Variants in KIAA0825 observed in about 807,000 individuals in gnomAD.
KIAA0825 encodes uncharacterized protein KIAA0825.
KIAA0825 carries 119 observed loss-of-function variants against 147.6 expected under a neutral mutation model. The observed-to-expected ratio is 0.81, with a 90% confidence interval of 0.69 to 0.94. The LOEUF (loss-of-function observed/expected upper bound fraction) is 0.94. Among genes scored for constraint, KIAA0825 ranks in the 40% least tolerant of loss-of-function variants. KIAA0825 has a pLI of 0.00. For synonymous variants in KIAA0825, 470 were observed against 518.1 expected (o/e 0.91, Z 1.26); for missense variants, 1,381 against 1,472.7 (o/e 0.94, Z 1.02).
intron 20 of KIAA0825, among the ~76,000 whole-genome samples, chr5:94,380,219 C>G (rs111897338): frequency 6.6e-6 from 1 of 152,166 alleles, no homozygotes; most frequent in African/African-American, 2.4e-5. Context: ...AATAACCTGA[C>G]TTTCACCCAA....
At chr5:94,528,784 GCTC>G (rs1769888302) in intron 3 of KIAA0825, among the ~76,000 whole-genome samples, 1 of 145,540 alleles carries the variant, frequency 6.9e-6, no homozygotes, top group East Asian at 2.1e-4. Context: ...AAGTAAATGT[GCTC>G]CTTTTTTTTT....
intron 1 of KIAA0825, among the ~76,000 whole-genome samples, chr5:94,606,138 GA>G (rs1158100512): frequency 6.6e-6 from 1 of 152,004 alleles, no homozygotes; most frequent in Non-Finnish European, 1.5e-5. Flanking sequence ...AGCCAAATCA[GA>G]AAGGCCATCC....
intron 20 of KIAA0825, among the ~76,000 whole-genome samples, chr5:94,319,100 T>A (rs1177749060): frequency 1.3e-5 from 2 of 151,916 alleles, no homozygotes; most frequent in East Asian, 3.9e-4. Context: ...AGGATAGGGA[T>A]GTCTGAAGCC....
intron 16 of KIAA0825, among the ~76,000 whole-genome samples, chr5:94,402,479 T>C (rs761973915): frequency 6.6e-6 from 1 of 152,012 alleles, no homozygotes; most frequent in Non-Finnish European, 1.5e-5. Flanking sequence ...ATGGCTTTAC[T>C]AGATTCAAAG....
At chr5:94,444,345 T>C (rs2150865223) in intron 13 of KIAA0825, among the ~76,000 whole-genome samples, 2 of 152,250 alleles carry the variant, frequency 1.3e-5, no homozygotes, top group Middle Eastern at 6.8e-3. Flanking sequence ...GGAATTACTA[T>C]GCTGGTGAGG....
chr5:94,470,328 G>A (rs1376633224), intron 9 of KIAA0825, among the ~76,000 whole-genome samples: 1 of 151,970 alleles, frequency 6.6e-6, no homozygotes, highest in Non-Finnish European at 1.5e-5. Context: ...TACATCTGCT[G>A]TTCTACAAAT....
chr5:94,425,512 G>A (rs2150754072), intron 14 of KIAA0825, among the ~76,000 whole-genome samples: 1 of 152,216 alleles, frequency 6.6e-6, no homozygotes, highest in African/African-American at 2.4e-5. Flanking sequence ...GCAAAGGTAG[G>A]AGGATCACTT....
intron 13 of KIAA0825, among the ~76,000 whole-genome samples, chr5:94,448,448 TG>T (rs1412038099): frequency 6.6e-6 from 1 of 152,092 alleles, no homozygotes. Flanking sequence ...ATGTCCTTTT[TG>T]TTTCTTTCCT....
At chr5:94,483,754 A>C (rs921695881) in intron 6 of KIAA0825, among the ~76,000 whole-genome samples, 1 of 151,842 alleles carries the variant, frequency 6.6e-6, no homozygotes, top group Admixed American at 6.6e-5. Context: ...TTTAATGTAA[A>C]ACAAAATCCA....
rs1253648472 is a variant in KIAA0825, at chr5:94,594,767, T to C, written c.-152-12184A>G. Reference sequence around the variant, plus strand: ...CTTGGATGGACTACCTGAGAGAACATGCATTTAGAGAAGTCGAATCATGAT... The same window carrying C: ...CTTGGATGGACTACCTGAGAGAACACGCATTTAGAGAAGTCGAATCATGAT... On this transcript the variant is annotated intron_variant, in intron 1 of 20. Coordinates refer to ENST00000682413, the MANE Select transcript of KIAA0825 (RefSeq NM_001145678.3). The C allele has an allele frequency of 1.2e-5, 7 of 605,766 alleles. No individual in the cohort carries two copies. The East Asian group carries it at 2.4e-4, about 20-fold the overall frequency. 37.5% of individuals were successfully genotyped at this position (605,766 alleles called of 1,614,324 possible). A position where few individuals can be genotyped will look rare whatever the true frequency, so the allele number is the denominator to read the frequency against.
At chr5:94,264,894 T>C (rs1285519258) in intron 20 of KIAA0825, among the ~76,000 whole-genome samples, 1 of 151,850 alleles carries the variant, frequency 6.6e-6, no homozygotes, top group East Asian at 1.9e-4. Context: ...GTGATTCTCA[T>C]GGCTCAGCCA....
chr5:94,600,384 C>T (rs1385428542), intron 1 of KIAA0825, among the ~76,000 whole-genome samples: 9 of 151,420 alleles, frequency 5.9e-5, no homozygotes, highest in Admixed American at 2.0e-4. Context: ...CTTATATTTC[C>T]TTATATTTAT....
chr5:94,349,452 A>G (rs937454213), intron 20 of KIAA0825, among the ~76,000 whole-genome samples: 1 of 152,194 alleles, frequency 6.6e-6, no homozygotes, highest in Non-Finnish European at 1.5e-5. Context: ...TATATACAGA[A>G]TATTTCATCC....
intron 20 of KIAA0825, among the ~76,000 whole-genome samples, chr5:94,317,561 G>T (rs1375786063): frequency 1.3e-5 from 2 of 151,802 alleles, no homozygotes; most frequent in Non-Finnish European, 2.9e-5. Context: ...ATTTACCTCA[G>T]AAAATATAAG....
At chr5:94,494,314 CT>C (rs530332272) in intron 5 of KIAA0825, among the ~76,000 whole-genome samples, 685 of 111,852 alleles carry the variant, frequency 6.1e-3, no homozygotes, top group African/African-American at 0.011. Flanking sequence ...ATATTCAATC[CT>C]TTTTTTTTTT....
rs78373531 is a variant in KIAA0825, at chr5:94,232,070, A to G, written c.3711-77946T>C. ...AATGTTTAATGATATGGCAAGTAATACAGAATAACTAAAGACAGAAGAAAA... is the reference window on the plus strand; with the variant it reads ...AATGTTTAATGATATGGCAAGTAATGCAGAATAACTAAAGACAGAAGAAAA... On this transcript the variant is annotated intron_variant, in intron 20 of 20. Coordinates refer to ENST00000682413, the MANE Select transcript of KIAA0825 (RefSeq NM_001145678.3). 4.4e-3 allele frequency among the ~76,000 whole-genome samples: 666 copies of G among 152,256 alleles called. 1 individual carries two copies. Among genetic ancestry groups the G allele is most frequent in the Non-Finnish European group, 7.0e-3 (476 of 67,950 alleles).
intron 20 of KIAA0825, among the ~76,000 whole-genome samples, chr5:94,266,956 G>A (rs1776763345): frequency 6.6e-6 from 1 of 152,110 alleles, no homozygotes; most frequent in Non-Finnish European, 1.5e-5. Flanking sequence ...AACCACTAAA[G>A]TAGATGTTCA....
At chr5:94,499,629 C>A (rs1445203475) in intron 5 of KIAA0825, among the ~76,000 whole-genome samples, 1 of 150,630 alleles carries the variant, frequency 6.6e-6, no homozygotes, top group Admixed American at 6.6e-5. Flanking sequence ...CTGGAATCCC[C>A]ATTAATCTTA....
At chr5:94,458,866 T>C (rs1759465921) in intron 12 of KIAA0825, among the ~76,000 whole-genome samples, 1 of 152,138 alleles carries the variant, frequency 6.6e-6, no homozygotes, top group Admixed American at 6.6e-5. Flanking sequence ...ACTTAAAGTA[T>C]ACAATTAGAT....
Sources: gnomAD v4.1 joint callset for allele counts (sites outside exome capture counted in the v4.1 genomes callset) on GRCh38, gnomAD v4.1.1 for gene constraint, MANE v1.5 for transcripts, NCBI Gene and HGNC (gene_info 2026-07-23, HGNC 2026-07-21) for gene names.